Variants in AFAP1L1 observed in about 807,000 individuals in gnomAD.
AFAP1L1 encodes the protein actin filament-associated protein 1-like 1.
A neutral mutation model predicts 99.8 loss-of-function variants in AFAP1L1; 77 were observed. The ratio of observed to expected loss-of-function variants is 0.77; its 90% confidence interval spans 0.64 to 0.93. The LOEUF (loss-of-function observed/expected upper bound fraction) is 0.93. AFAP1L1 is among the 40% of genes least tolerant of loss of function. The pLI is 0.00. For synonymous variants in AFAP1L1, 373 were observed against 395.3 expected, an observed-to-expected ratio of 0.94 and a Z score of 0.67; for missense variants, 893 against 996.8, an observed-to-expected ratio of 0.90 and a Z score of 1.40.
chr5:149,320,582 G>T lies in AFAP1L1; in HGVS notation c.1698+119G>T. ...ATTTTCATTTAAGCAGCAGTAGCTA[G>T]AAGGGGAGCCCCTTCTTATCATAGA... On this transcript the variant is annotated intron_variant, in intron 14 of 18. Transcript: ENST00000296721. The surrounding 1 kb of genome is among the most constrained non-coding windows in gnomAD (Gnocchi z 4.0). 1 of 899,442 alleles carries T rather than the reference G, an allele frequency of 1.1e-6. No homozygotes were observed. Among genetic ancestry groups the T allele is most frequent in the Admixed American group, 2.2e-5 (1 of 45,606 alleles). 55.7% of individuals were successfully genotyped at this position (899,442 alleles called of 1,614,324 possible). A position where few individuals can be genotyped will look rare whatever the true frequency, so the allele number is the denominator to read the frequency against.
At position 149,301,193 on chromosome 5, in the gene AFAP1L1, C is replaced by A. The variant is rs758043058; in HGVS notation, c.290C>A (p.Ala97Asp). Reference sequence around the variant, plus strand: ...GATGATGGGGAGCCCAGCAAAGGAGCCAGCCCTGAGCTAGCCAAGAGCCCA... The same window carrying A: ...GATGATGGGGAGCCCAGCAAAGGAGACAGCCCTGAGCTAGCCAAGAGCCCA... ...PEDDGEPSKG[A>D]SPELAKSPRL... The change falls in exon 4 of 19, where the codon GCC becomes GAC. Residue 97 changes from alanine to aspartate, a missense_variant. By Grantham distance (126) the Ala-to-Asp change is moderately radical. Transcript: ENST00000296721. 8 of 1,614,032 alleles carry A rather than the reference C, an allele frequency of 5.0e-6. No homozygotes were observed. In the South Asian group the frequency reaches 7.7e-5, roughly 16 times the overall value.
chr5:149,296,313 C>T (rs1011784587), intron 1 of AFAP1L1, among the ~76,000 whole-genome samples: 1 of 152,194 alleles, frequency 6.6e-6, no homozygotes, highest in Non-Finnish European at 1.5e-5. Flanking sequence ...AGATTACAGG[C>T]GTGAGCCAAC....
chr5:149,310,877 G>A (rs1341573071), intron 8 of AFAP1L1, among the ~76,000 whole-genome samples: 1 of 152,146 alleles, frequency 6.6e-6, no homozygotes, highest in Non-Finnish European at 1.5e-5. Flanking sequence ...CAAGCCCCAG[G>A]CCTAAAGGGC....
intron 5 of AFAP1L1, among the ~76,000 whole-genome samples, chr5:149,305,843 C>T (rs1030965833): frequency 2.0e-5 from 3 of 151,288 alleles, no homozygotes; most frequent in Non-Finnish European, 4.4e-5. Flanking sequence ...TACATTGCTC[C>T]CTGCAGTGCA....
intron 1 of AFAP1L1, among the ~76,000 whole-genome samples, chr5:149,284,025 G>A (rs1290862421): frequency 1.3e-5 from 2 of 152,226 alleles, no homozygotes; most frequent in African/African-American, 4.8e-5. Context: ...TAAAGGACCA[G>A]AAGTTTCAAG....
intron 11 of AFAP1L1, 126 bp from the exon 12 acceptor site, chr5:149,317,603 G>A (rs543055019): frequency 1.1e-6 from 1 of 923,672 alleles, no homozygotes; most frequent in Admixed American, 2.6e-5. Flanking sequence ...TCACCCTGAG[G>A]TCACAGGGGA....
At chr5:149,289,974 C>T (rs553329752) in intron 1 of AFAP1L1, among the ~76,000 whole-genome samples, 3 of 152,206 alleles carry the variant, frequency 2.0e-5, no homozygotes, top group Non-Finnish European at 4.4e-5. Flanking sequence ...TGGCTCACGC[C>T]TGTAATCCCA....
Position 149,331,448 on chromosome 5 carries a change from G to A in AFAP1L1, c.1976-1247G>A, listed in dbSNP as rs550776080. ...ATCCTGGCTAACACGGTGAAACCCC[G>A]TCTCTATTAAAAATACAAAACATTA... On this transcript the variant is annotated intron_variant, in intron 16 of 18. Coordinates refer to ENST00000296721, the MANE Select transcript of AFAP1L1 (RefSeq NM_152406.4). Among the ~76,000 whole-genome samples, 31 of 152,114 alleles carry A rather than the reference G, an allele frequency of 2.0e-4. No homozygotes were observed. In the South Asian group the frequency reaches 5.8e-3, roughly 29 times the overall value.
chr5:149,298,330 TG>T (rs1266227394), intron 1 of AFAP1L1, among the ~76,000 whole-genome samples: 1 of 152,172 alleles, frequency 6.6e-6, no homozygotes, highest in Non-Finnish European at 1.5e-5. Flanking sequence ...GGGGTGATCA[TG>T]GGACCTACTT....
At chr5:149,331,080 C>T (rs2127603725) in intron 16 of AFAP1L1, among the ~76,000 whole-genome samples, 1 of 151,974 alleles carries the variant, frequency 6.6e-6, no homozygotes, top group East Asian at 1.9e-4. Flanking sequence ...GATTTTTAAA[C>T]CTGGTAAGAC....
intron 1 of AFAP1L1, among the ~76,000 whole-genome samples, chr5:149,291,406 A>T (rs1015889625): frequency 6.6e-6 from 1 of 151,198 alleles, no homozygotes; most frequent in Non-Finnish European, 1.5e-5. Context: ...GCACACCTGT[A>T]GTCCCAGCTA....
chr5:149,318,069 C>T (rs929308433), intron 12 of AFAP1L1, 129 bp downstream of exon 12: 9 of 1,102,892 alleles, frequency 8.2e-6, no homozygotes, highest in Admixed American at 2.6e-5. Context: ...GCAAGCCTCA[C>T]TCCTGTCAGG....
At chr5:149,329,965 C>T (rs1180954909) in intron 16 of AFAP1L1, 135 bp downstream of exon 16, 2 of 622,968 alleles carry the variant, frequency 3.2e-6, no homozygotes, top group Non-Finnish European at 5.1e-6. Flanking sequence ...TCCTCCTTCT[C>T]CTCCTCCTCC....
intron 1 of AFAP1L1, among the ~76,000 whole-genome samples, chr5:149,296,595 CAGAG>C (rs1427165959): frequency 2.0e-5 from 3 of 152,158 alleles, no homozygotes; most frequent in Admixed American, 1.3e-4. Context: ...GTGTATGAGA[CAGAG>C]AGAGAATGCG....
intron 9 of AFAP1L1, among the ~76,000 whole-genome samples, chr5:149,312,819 A>G (rs1756678016): frequency 6.6e-6 from 1 of 151,114 alleles, no homozygotes; most frequent in Non-Finnish European, 1.5e-5. Flanking sequence ...AGAGAGAGAA[A>G]GAAAGAAAGA....
At chr5:149,296,913 G>GAA (rs1756037341) in intron 1 of AFAP1L1, among the ~76,000 whole-genome samples, 1 of 152,098 alleles carries the variant, frequency 6.6e-6, no homozygotes, top group African/African-American at 2.4e-5. Flanking sequence ...AACAAGGAGA[G>GAA]ATGCCAAGAA....
chr5:149,276,654 A>G (rs1473974974), intron 1 of AFAP1L1: 4 of 140,546 alleles, frequency 2.8e-5, no homozygotes, highest in Non-Finnish European at 6.4e-5. Context: ...AATGCTGGCT[A>G]TTTTAGTAAT....
At chr5:149,301,616 A>G (rs1756216520) in intron 4 of AFAP1L1, among the ~76,000 whole-genome samples, 1 of 151,886 alleles carries the variant, frequency 6.6e-6, no homozygotes, top group Admixed American at 6.6e-5. Context: ...GAGTTGGGTG[A>G]CCTCTGCCCA....
intron 7 of AFAP1L1, among the ~76,000 whole-genome samples, chr5:149,309,623 C>T (rs1468644339): frequency 6.6e-6 from 1 of 152,206 alleles, no homozygotes; most frequent in East Asian, 1.9e-4. Flanking sequence ...CAAATTCCTG[C>T]CAGATAGATT....
Sources: allele counts gnomAD v4.1 joint callset (sites outside exome capture counted in the v4.1 genomes callset), GRCh38; gene constraint gnomAD v4.1.1; non-coding constraint Gnocchi (gnomAD v3.1); transcripts MANE v1.5; gene names NCBI Gene and HGNC (gene_info 2026-07-23, HGNC 2026-07-21).